The following CDH4 variants were observed in gnomAD, a reference collection of about 807,000 sequenced individuals.
CDH4 encodes the protein cadherin 4, also known as cadherin-4.
A neutral mutation model predicts 86.0 loss-of-function variants in CDH4; 33 were observed. The ratio of observed to expected loss-of-function variants is 0.38; its 90% confidence interval spans 0.29 to 0.51. CDH4 has a LOEUF of 0.51. Among genes scored for constraint, CDH4 ranks in the 20% least tolerant of loss-of-function variants. The pLI is 0.86. For missense variants in CDH4, 1,114 were observed against 1,307.4 expected (o/e 0.85, Z 2.28); for synonymous variants, 555 against 549.4 (o/e 1.01, Z -0.14).
chr20:61,893,174 G>T (rs1257697089), intron 7 of CDH4, among the ~76,000 whole-genome samples: 6 of 94,670 alleles, frequency 6.3e-5, no homozygotes, highest in Admixed American at 4.8e-4. Context: ...ATGGTGGTTG[G>T]GTGGGTGGGT....
chr20:61,639,707 G>A (rs959670239), intron 2 of CDH4, among the ~76,000 whole-genome samples: 1 of 151,984 alleles, frequency 6.6e-6, no homozygotes, highest in East Asian at 1.9e-4. Context: ...GTCTCCTCTG[G>A]CTATTTATAT....
chr20:61,714,062 T>TG (rs1237764006), intron 2 of CDH4, among the ~76,000 whole-genome samples: 89 of 150,040 alleles, frequency 5.9e-4, no homozygotes, highest in Middle Eastern at 3.4e-3. Flanking sequence ...TTTTATTTTA[T>TG]TTGAGATGGA....
intron 2 of CDH4, among the ~76,000 whole-genome samples, chr20:61,357,869 C>T (rs765776201): frequency 6.6e-6 from 1 of 152,178 alleles, no homozygotes; most frequent in Admixed American, 6.5e-5. Flanking sequence ...AGGGCAGGAA[C>T]AACGATTCTT....
At chr20:61,882,081 G>T (rs568234155) in intron 7 of CDH4, among the ~76,000 whole-genome samples, 1 of 152,186 alleles carries the variant, frequency 6.6e-6, no homozygotes, top group Non-Finnish European at 1.5e-5. Flanking sequence ...GACCCTGCCC[G>T]CGCCTCCACC....
intron 2 of CDH4, among the ~76,000 whole-genome samples, chr20:61,405,933 G>C (rs1406556755): frequency 6.6e-6 from 1 of 152,126 alleles, no homozygotes; most frequent in African/African-American, 2.4e-5. Context: ...ATCCGCCTCG[G>C]CCTCTCAAAG....
At position 61,777,739 on chromosome 20, in the gene CDH4, AAC is replaced by A. The variant is rs1293933446; in HGVS notation, c.576+4564_576+4565del. 1.9e-4 allele frequency among the ~76,000 whole-genome samples: 14 copies of A among 73,028 alleles called. 4 individuals carry two copies. Among genetic ancestry groups the A allele is most frequent in the African/African-American group, 5.3e-4 (11 of 20,930 alleles). 47.9% of individuals were successfully genotyped at this position (73,028 alleles called of 152,430 possible). ...ACATGCGTGCACACGTGCATACAAA[AAC>A]ACACACCCACATGCGCACACACGTG... On this transcript the variant is annotated intron_variant, in intron 4 of 15. Coordinates refer to ENST00000614565, the MANE Select transcript of CDH4 (RefSeq NM_001794.5).
At chr20:61,627,311 C>T (rs917156537) in intron 2 of CDH4, among the ~76,000 whole-genome samples, 1 of 152,174 alleles carries the variant, frequency 6.6e-6, no homozygotes, top group African/African-American at 2.4e-5. Context: ...CACTTAGGTG[C>T]CAGCCTGCCT....
At chr20:61,411,998 A>G (rs1342467803) in intron 2 of CDH4, among the ~76,000 whole-genome samples, 5 of 152,178 alleles carry the variant, frequency 3.3e-5, no homozygotes, top group Non-Finnish European at 7.4e-5. Flanking sequence ...ATCCAGAAGG[A>G]CACCCTGCCC....
intron 2 of CDH4, among the ~76,000 whole-genome samples, chr20:61,378,535 G>A (rs566729257): frequency 2.6e-5 from 4 of 152,186 alleles, no homozygotes; most frequent in Admixed American, 6.5e-5. Flanking sequence ...CTGTCTTCCC[G>A]CGGCCTTCTC....
chr20:61,775,893 T>C (rs7274359), intron 4 of CDH4, among the ~76,000 whole-genome samples: 82,857 of 151,852 alleles, frequency 0.55, 22,719 homozygotes, highest in East Asian at 0.71. Flanking sequence ...GCTCCACAGA[T>C]AGGCTTGTAA....
chr20:61,518,424 T>C lies in CDH4; in HGVS notation c.170-225139T>C, dbSNP rs1266463513. Among the ~76,000 whole-genome samples, 1 of 152,180 alleles carries C rather than the reference T, an allele frequency of 6.6e-6. No individual in the cohort carries two copies. The highest frequency in any genetic ancestry group is 2.4e-5 in the African/African-American group (1 of 41,446). On this transcript the variant is annotated intron_variant, in intron 2 of 15. Coordinates refer to ENST00000614565, the MANE Select transcript of CDH4 (RefSeq NM_001794.5). This position sits in a 1 kb window ranked among gnomAD's most constrained non-coding sequence, Gnocchi z 6.3. ...TTATGATGAGGCTGTCCATCATCCATCTGTCATCCACTCATCATCCATCAT... is the reference window on the plus strand; with the variant it reads ...TTATGATGAGGCTGTCCATCATCCACCTGTCATCCACTCATCATCCATCAT...
chr20:61,565,355 A>G lies in CDH4; in HGVS notation c.170-178208A>G, dbSNP rs1397326615. ...GATGGTGGTAGTGGTCCTCTTGGTG[A>G]TGGGGTGATGGTGGTGGTGGTCCTC... On this transcript the variant is annotated intron_variant, in intron 2 of 15. Transcript: ENST00000614565. 9.9e-3 allele frequency among the ~76,000 whole-genome samples: 203 copies of G among 20,504 alleles called. 43 individuals are homozygous for G. Among genetic ancestry groups the G allele is most frequent in the Admixed American group, 9.8e-3 (18 of 1,842 alleles). The allele number at this position is 20,504 out of a possible 152,430, so 13.5% of individuals were successfully genotyped here.
At chr20:61,532,298 T>G (rs966837975) in intron 2 of CDH4, among the ~76,000 whole-genome samples, 1 of 152,202 alleles carries the variant, frequency 6.6e-6, no homozygotes, top group Non-Finnish European at 1.5e-5. Context: ...CTAAGTCATG[T>G]CCTGGTTTCT....
At chr20:61,297,332 G>A (rs1415238565) in intron 2 of CDH4, among the ~76,000 whole-genome samples, 1 of 152,210 alleles carries the variant, frequency 6.6e-6, no homozygotes, top group African/African-American at 2.4e-5. Flanking sequence ...GATGCAATGA[G>A]GAGCCGAGAT....
chr20:61,687,026 G>A (rs1204697058), intron 2 of CDH4, among the ~76,000 whole-genome samples: 1 of 151,532 alleles, frequency 6.6e-6, no homozygotes, highest in Admixed American at 6.6e-5. Flanking sequence ...CTTGGGCGGT[G>A]CCCTTGCTGG....
At chr20:61,605,071 C>T (rs563352215) in intron 2 of CDH4, among the ~76,000 whole-genome samples, 119 of 152,272 alleles carry the variant, frequency 7.8e-4, no homozygotes, top group African/African-American at 2.8e-3. Flanking sequence ...GTTTTCAAGT[C>T]TCCATCAAAT....
At chr20:61,434,815 C>T (rs1018333041) in intron 2 of CDH4, 21 of 152,170 alleles carry the variant, frequency 1.4e-4, no homozygotes, top group Non-Finnish European at 2.5e-4. Context: ...AACTTCCAGA[C>T]CCCCTGCACA....
chr20:61,322,839 G>T (rs2084515995), intron 2 of CDH4, among the ~76,000 whole-genome samples: 1 of 152,218 alleles, frequency 6.6e-6, no homozygotes, highest in Admixed American at 6.5e-5. Context: ...AGAGGCCTTT[G>T]ATCGCAGCAG....
At chr20:61,549,217 A>G (rs1032584878) in intron 2 of CDH4, among the ~76,000 whole-genome samples, 1 of 152,214 alleles carries the variant, frequency 6.6e-6, no homozygotes, top group Non-Finnish European at 1.5e-5. Flanking sequence ...GGTTGAACCA[A>G]TAGCAATTGG....
Sources: allele counts gnomAD v4.1 joint callset (sites outside exome capture counted in the v4.1 genomes callset), GRCh38; gene constraint gnomAD v4.1.1; non-coding constraint Gnocchi (gnomAD v3.1); transcripts MANE v1.5; gene names NCBI Gene and HGNC (gene_info 2026-07-23, HGNC 2026-07-21).